Variants in MALRD1 observed in about 807,000 individuals in gnomAD.
The protein encoded by MALRD1 is MAM and LDL-receptor class A domain-containing protein 1.
MALRD1 carries 247 observed loss-of-function variants against 242.1 expected under a neutral mutation model. The ratio of observed to expected loss-of-function variants is 1.02; its 90% CI spans 0.92 to 1.13. MALRD1 has a LOEUF of 1.13. MALRD1 is among the 50% of genes most tolerant of loss of function. The pLI, the probability that MALRD1 is intolerant of heterozygous loss-of-function variation, is 0.00. For missense variants in MALRD1, 2,989 were observed against 2,533.1 expected, an observed-to-expected ratio of 1.18 and a Z score of -3.86; for synonymous variants, 995 against 866.6, an observed-to-expected ratio of 1.15 and a Z score of -2.60.
chr10:19,688,448 A>G (rs1313986458), intron 36 of MALRD1, among the ~76,000 whole-genome samples: 1 of 151,954 alleles, frequency 6.6e-6, no homozygotes, highest in Non-Finnish European at 1.5e-5. Flanking sequence ...ATTTTTGTAA[A>G]GAAGGTCTCT....
chr10:19,227,682 G>A (rs998210117), intron 18 of MALRD1, among the ~76,000 whole-genome samples: 1 of 151,570 alleles, frequency 6.6e-6, no homozygotes, highest in Non-Finnish European at 1.5e-5. Context: ...CCACAGATTG[G>A]GACAGAATAA....
chr10:19,177,132 A>T (rs1174299736), intron 14 of MALRD1, among the ~76,000 whole-genome samples: 1 of 151,854 alleles, frequency 6.6e-6, no homozygotes, highest in African/African-American at 2.4e-5. Context: ...CAAAAAAATT[A>T]GCCAGGGCAT....
intron 2 of MALRD1, among the ~76,000 whole-genome samples, chr10:19,074,688 A>G (rs1028545881): frequency 5.9e-5 from 9 of 152,084 alleles, no homozygotes; most frequent in African/African-American, 2.2e-4. Flanking sequence ...TATTGATGAG[A>G]GCTAAAAATG....
At chr10:19,361,161 T>C (rs887802918) in intron 26 of MALRD1, among the ~76,000 whole-genome samples, 1 of 152,138 alleles carries the variant, frequency 6.6e-6, no homozygotes, top group African/African-American at 2.4e-5. Context: ...TTTCCCAGTC[T>C]CTGTTATCAC....
chr10:19,670,586 G>A (rs745833149), intron 36 of MALRD1, among the ~76,000 whole-genome samples: 2 of 152,032 alleles, frequency 1.3e-5, no homozygotes, highest in Non-Finnish European at 2.9e-5. Context: ...CAACAGATTC[G>A]TCTTATTCAT....
chr10:19,226,571 A>T lies in MALRD1; in HGVS notation c.2991+16891A>T, dbSNP rs886096179. Among the ~76,000 whole-genome samples, 57 of 152,252 alleles carry T rather than the reference A, an allele frequency of 3.7e-4. 1 individual carries two copies. The highest frequency in any genetic ancestry group is 1.3e-3 in the African/African-American group (56 of 41,580). ...GATCTCTAGATTCAGTGGAATTCCC[A>T]TGAAACCTTATAGGTCCTTTTGGAT... On this transcript the variant is annotated intron_variant, in intron 18 of 39. Coordinates refer to ENST00000454679, the MANE Select transcript of MALRD1 (RefSeq NM_001142308.3).
At chr10:19,354,742 A>G (rs1458079913) in intron 26 of MALRD1, among the ~76,000 whole-genome samples, 1 of 152,170 alleles carries the variant, frequency 6.6e-6, no homozygotes, top group Non-Finnish European at 1.5e-5. Flanking sequence ...AACTAGAGGA[A>G]TGAATTTGGA....
chr10:19,324,183 A>T lies in MALRD1; in HGVS notation c.3576+78A>T, dbSNP rs1041519060. On this transcript the variant is annotated intron_variant, in intron 22 of 39. Coordinates refer to ENST00000454679, the MANE Select transcript of MALRD1 (RefSeq NM_001142308.3). ...GCATAATTTGGTATCATTAAAATAT[A>T]TTCTGTTAATAAGTGAAAATGGACA... The T allele has an allele frequency of 6.8e-5, 92 of 1,351,418 alleles. No homozygotes were observed. In the African/African-American group the frequency reaches 1.2e-3, roughly 18 times the overall value. The allele number at this position is 1,351,418 out of a possible 1,614,324, so 83.7% of individuals were successfully genotyped here. A position where few individuals can be genotyped will look rare whatever the true frequency, so the allele number is the denominator to read the frequency against.
chr10:19,433,975 T>C (rs569915523), intron 28 of MALRD1, among the ~76,000 whole-genome samples: 19 of 152,198 alleles, frequency 1.2e-4, no homozygotes, highest in African/African-American at 4.6e-4. Flanking sequence ...ATATATAATA[T>C]AAATGAGTTT....
chr10:19,331,213 G>T (rs1446833890), intron 23 of MALRD1, among the ~76,000 whole-genome samples, 156 bp from the exon 24 acceptor site: 1 of 151,582 alleles, frequency 6.6e-6, no homozygotes, highest in South Asian at 2.1e-4. Flanking sequence ...AAATTTCCTG[G>T]GTCACTTTCA....
intron 24 of MALRD1, among the ~76,000 whole-genome samples, chr10:19,333,001 A>G (rs578065400): frequency 8.9e-4 from 136 of 152,206 alleles, no homozygotes; most frequent in African/African-American, 3.2e-3. Context: ...TCCTAATGCT[A>G]TCCCTCCCCT....
Position 19,108,873 on chromosome 10 carries a change from T to C in MALRD1, c.694+4798T>C, listed in dbSNP as rs74120725. On this transcript the variant is annotated intron_variant, in intron 5 of 39. Transcript: ENST00000454679. ...TTATTGTGTTTCTTTGGTCGTATCA[T>C]GTTTCTTTGCTTTTCTGTATTTCTT... 7.3e-3 allele frequency among the ~76,000 whole-genome samples: 1,111 copies of C among 152,308 alleles called. 11 individuals are homozygous for C. Among genetic ancestry groups the C allele is most frequent in the African/African-American group, 0.026 (1,065 of 41,558 alleles).
At chr10:19,402,033 A>G (rs1223230238) in intron 28 of MALRD1, among the ~76,000 whole-genome samples, 1 of 152,254 alleles carries the variant, frequency 6.6e-6, no homozygotes. Context: ...ACTACGTGAT[A>G]TCTAAAATTC....
At position 19,226,092 on chromosome 10, in the gene MALRD1, T is replaced by A. The variant is rs113655651; in HGVS notation, c.2991+16412T>A. ...GACTGATAACCATTATGAACTTAGA[T>A]GCAACATTCTTAATACAATATTAGC... On this transcript the variant is annotated intron_variant, in intron 18 of 39. Coordinates refer to ENST00000454679, the MANE Select transcript of MALRD1 (RefSeq NM_001142308.3). 7.5e-3 allele frequency among the ~76,000 whole-genome samples: 1,139 copies of A among 152,220 alleles called. 13 individuals carry two copies. Among genetic ancestry groups the A allele is most frequent in the African/African-American group, 0.026 (1,097 of 41,546 alleles).
At chr10:19,087,462 T>C (rs1835707472) in intron 2 of MALRD1, among the ~76,000 whole-genome samples, 1 of 151,990 alleles carries the variant, frequency 6.6e-6, no homozygotes, top group African/African-American at 2.4e-5. Flanking sequence ...AAATTATTAA[T>C]CTAGTGAGGA....
rs747591342 is a variant in MALRD1, at chr10:19,327,676, G to A, written c.3687+3G>A. ...TAGGCATTCGTTCACATACACAGGT[G>A]TGTAATACAGGTAGTTATGGGGTGA... On this transcript the variant is annotated splice_donor_region_variant and intron_variant, in intron 23 of 39. Transcript: ENST00000454679. 6.5e-6 allele frequency: 10 copies of A among 1,543,304 alleles called. No homozygotes were observed. In the South Asian group the frequency reaches 1.1e-4, roughly 17 times the overall value.
At chr10:19,136,485 A>G (rs978148132) in intron 9 of MALRD1, 89 bp from the exon 10 acceptor site, 4 of 746,808 alleles carry the variant, frequency 5.4e-6, no homozygotes, top group Non-Finnish European at 7.3e-6. Context: ...CTTTTTCTCA[A>G]TAACTACTTT....
chr10:19,058,720 C>T (rs1590369623), intron 1 of MALRD1, among the ~76,000 whole-genome samples: 1 of 152,026 alleles, frequency 6.6e-6, no homozygotes, highest in East Asian at 1.9e-4. Flanking sequence ...TTCTTGAAAA[C>T]AACTCAAACA....
chr10:19,295,503 G>A (rs1411868370), intron 21 of MALRD1, among the ~76,000 whole-genome samples: 4 of 151,044 alleles, frequency 2.6e-5, no homozygotes, highest in African/African-American at 9.7e-5. Flanking sequence ...TGTGCCCTTG[G>A]CTTGGTTTGA....
Sources: gnomAD v4.1 joint callset for allele counts (sites outside exome capture counted in the v4.1 genomes callset) on GRCh38, gnomAD v4.1.1 for gene constraint, MANE v1.5 for transcripts, NCBI Gene and HGNC (gene_info 2026-07-23, HGNC 2026-07-21) for gene names.